Variants in NDUFS6 observed in about 807,000 individuals in gnomAD.
NDUFS6 encodes NADH dehydrogenase [ubiquinone] iron-sulfur protein 6, mitochondrial.
In NDUFS6, 14 loss-of-function variants were observed where a neutral mutation model predicts 13.2. That is an observed-to-expected ratio of 1.06 (90% CI 0.70 to 1.66). NDUFS6 has a LOEUF of 1.66. NDUFS6 is among the 40% of genes most tolerant of loss of function. The pLI, the probability that NDUFS6 is intolerant of heterozygous loss-of-function variation, is 0.00. For missense variants in NDUFS6, 206 were observed against 170.8 expected, an observed-to-expected ratio of 1.21 and a Z score of -1.15; for synonymous variants, 95 against 72.3, an observed-to-expected ratio of 1.31 and a Z score of -1.60.
chr5:1,811,798 C>G (rs1011146850), intron 2 of NDUFS6, among the ~76,000 whole-genome samples: 1 of 152,140 alleles, frequency 6.6e-6, no homozygotes, highest in African/African-American at 2.4e-5. Context: ...GTGATGTATC[C>G]GTCCATCAGG....
intron 2 of NDUFS6, among the ~76,000 whole-genome samples, chr5:1,813,106 G>C (rs572736377): frequency 8.3e-4 from 126 of 152,292 alleles, no homozygotes; most frequent in African/African-American, 2.8e-3. Context: ...GAGTCACACT[G>C]ATCCTTCCAA....
At chr5:1,811,858 GTC>G (rs1734223956) in intron 2 of NDUFS6, among the ~76,000 whole-genome samples, 1 of 152,164 alleles carries the variant, frequency 6.6e-6, no homozygotes, top group African/African-American at 2.4e-5. Context: ...TTTGATCATT[GTC>G]TCTTACATCT....
chr5:1,814,179 G>T lies in NDUFS6; in HGVS notation c.187-160G>T, dbSNP rs1252804834. Among the ~76,000 whole-genome samples the T allele has an allele frequency of 6.6e-6, 1 of 152,262 alleles. No homozygotes were observed. Among genetic ancestry groups the T allele is most frequent in the Non-Finnish European group, 1.5e-5 (1 of 68,050 alleles). On this transcript the variant is annotated intron_variant, in intron 2 of 3. Transcript: ENST00000274137. This position sits in a 1 kb window ranked among gnomAD's most constrained non-coding sequence, Gnocchi z 4.9. ...ATTCCAGTGAAAAGTAGATGTGTGT[G>T]TAGGCCCTGAATTTAATAAGGTCTA...
intron 2 of NDUFS6, among the ~76,000 whole-genome samples, chr5:1,806,108 T>C (rs1561104240): frequency 6.6e-6 from 1 of 152,244 alleles, no homozygotes; most frequent in African/African-American, 2.4e-5. Flanking sequence ...TAAACGTTAG[T>C]GTCTATACAC....
chr5:1,815,508 G>C (rs1734294546), intron 3 of NDUFS6, among the ~76,000 whole-genome samples: 2 of 152,240 alleles, frequency 1.3e-5, no homozygotes, highest in South Asian at 4.1e-4. Context: ...GTCCCCTCCT[G>C]GGCTCCAGCC....
intron 2 of NDUFS6, among the ~76,000 whole-genome samples, chr5:1,808,678 A>C (rs980040505): frequency 6.6e-6 from 1 of 152,238 alleles, no homozygotes; most frequent in African/African-American, 2.4e-5. Flanking sequence ...ACTGGATTCC[A>C]ACATTCTCAA....
intron 2 of NDUFS6, among the ~76,000 whole-genome samples, chr5:1,807,443 A>G (rs1734144809): frequency 6.6e-6 from 1 of 152,122 alleles, no homozygotes; most frequent in Non-Finnish European, 1.5e-5. Flanking sequence ...TGTGTATTTT[A>G]CCACAATTAA....
At chr5:1,809,358 G>T (rs1175085456) in intron 2 of NDUFS6, among the ~76,000 whole-genome samples, 1 of 152,220 alleles carries the variant, frequency 6.6e-6, no homozygotes, top group East Asian at 1.9e-4. Flanking sequence ...GGTGAGAATG[G>T]AGCCTTGAGT....
chr5:1,807,786 G>C, intron 2 of NDUFS6, among the ~76,000 whole-genome samples: 1 of 152,228 alleles, frequency 6.6e-6, no homozygotes, highest in East Asian at 1.9e-4. Flanking sequence ...GCTCTCGTGC[G>C]TGCACACACA....
At chr5:1,806,859 C>T (rs755706118) in intron 2 of NDUFS6, among the ~76,000 whole-genome samples, 1 of 152,204 alleles carries the variant, frequency 6.6e-6, no homozygotes, top group Non-Finnish European at 1.5e-5. Flanking sequence ...CGTGTCATAG[C>T]AGCATTATTC....
At chr5:1,810,514 C>T (rs1734201868) in intron 2 of NDUFS6, among the ~76,000 whole-genome samples, 1 of 152,254 alleles carries the variant, frequency 6.6e-6, no homozygotes, top group Non-Finnish European at 1.5e-5. Flanking sequence ...GGCATGTCCC[C>T]TTTCCAAGTT....
In NDUFS6 at chr5:1,813,266, C is replaced by A. The variant is rs550261281; in HGVS notation, c.187-1073C>A. Among the ~76,000 whole-genome samples, 13 of 152,272 alleles carry A rather than the reference C, an allele frequency of 8.5e-5. No homozygotes were observed. The South Asian group carries it at 2.7e-3, about 32-fold the overall frequency. On this transcript the variant is annotated intron_variant, in intron 2 of 3. Coordinates refer to ENST00000274137, the MANE Select transcript of NDUFS6 (RefSeq NM_004553.6). ...AAGGTGTGTCCTGTTAGAAATGTTC[C>A]TGTTACTCTCTTAAAGTGTTGGGAA...
At chr5:1,802,555 C>T (rs921171213) in intron 2 of NDUFS6, among the ~76,000 whole-genome samples, 181 bp downstream of exon 2, 2 of 152,136 alleles carry the variant, frequency 1.3e-5, no homozygotes, top group African/African-American at 4.8e-5. Context: ...TGACTTGTTT[C>T]CCCCTGAAAT....
intron 2 of NDUFS6, among the ~76,000 whole-genome samples, chr5:1,813,404 C>T (rs972302170): frequency 1.2e-4 from 19 of 152,138 alleles, no homozygotes; most frequent in African/African-American, 4.1e-4. Flanking sequence ...CGATCGTGCT[C>T]GCGTCCTCCT....
intron 2 of NDUFS6, among the ~76,000 whole-genome samples, chr5:1,808,013 G>A (rs1734153492): frequency 6.6e-6 from 1 of 152,224 alleles, no homozygotes; most frequent in Non-Finnish European, 1.5e-5. Flanking sequence ...GTGCTAGGGT[G>A]AGGCCCCCAG....
intron 2 of NDUFS6, among the ~76,000 whole-genome samples, chr5:1,808,399 A>G (rs980009994): frequency 6.6e-6 from 1 of 152,240 alleles, no homozygotes; most frequent in Non-Finnish European, 1.5e-5. Context: ...GATGGATAAG[A>G]ACCGTGGGTC....
chr5:1,805,899 T>C (rs1734115321), intron 2 of NDUFS6, among the ~76,000 whole-genome samples: 1 of 152,076 alleles, frequency 6.6e-6, no homozygotes, highest in Admixed American at 6.5e-5. Context: ...GCTCCTGCGC[T>C]GATGGGCTTA....
rs1208154701 is a variant in NDUFS6 at position 1,815,861 on chromosome 5, CAA to C, written c.324_325del (p.Lys108AsnfsTer30). ...TTTGAATTTTTTCAGGACAAAGAAA[CAA>C]AAACCGGCACATGCGGTTACTGTGG... is the stretch of plus-strand genomic sequence containing the variant. On this transcript the variant is annotated frameshift_variant, in exon 4 of 4. Coordinates refer to ENST00000274137, the MANE Select transcript of NDUFS6 (RefSeq NM_004553.6). LOFTEE classifies it high-confidence loss of function. The C allele has an allele frequency of 6.2e-7, 1 of 1,614,162 alleles. No individual in the cohort carries two copies. Among genetic ancestry groups the C allele is most frequent in the Non-Finnish European group, 8.5e-7 (1 of 1,180,020 alleles).
chr5:1,815,458 A>C (rs1734293958), intron 3 of NDUFS6, among the ~76,000 whole-genome samples: 1 of 152,222 alleles, frequency 6.6e-6, no homozygotes, highest in African/African-American at 2.4e-5. Context: ...AACAGGCATA[A>C]ATGGTTAAGC....
Sources: gnomAD v4.1 joint callset for allele counts (sites outside exome capture counted in the v4.1 genomes callset) on GRCh38, gnomAD v4.1.1 for gene constraint, Gnocchi (gnomAD v3.1) non-coding constraint, MANE v1.5 for transcripts, NCBI Gene and HGNC (gene_info 2026-07-23, HGNC 2026-07-21) for gene names.